The following TTLL5 variants were observed in gnomAD, a reference collection of about 807,000 sequenced individuals.
The protein encoded by TTLL5 is tubulin polyglutamylase TTLL5.
A neutral mutation model predicts 168.4 loss-of-function variants in TTLL5; 132 were observed. That is an observed-to-expected ratio of 0.78 (90% confidence interval 0.68 to 0.91). TTLL5 has a LOEUF of 0.91. Ranked by LOEUF, TTLL5 falls within the 40% of genes least tolerant of loss-of-function variation. TTLL5 has a pLI of 0.00. For synonymous variants in TTLL5, 546 were observed against 558.6 expected, an observed-to-expected ratio of 0.98 and a Z score of 0.32; for missense variants, 1,545 against 1,581.5, an observed-to-expected ratio of 0.98 and a Z score of 0.39.
At position 75,757,974 on chromosome 14, in the gene TTLL5, C is replaced by A. The variant is rs976356045; in HGVS notation, c.1550+5019C>A. 7.8e-6 allele frequency: 9 copies of A among 1,153,620 alleles called. No homozygotes were observed. In the Admixed American group the frequency reaches 2.6e-4, roughly 33 times the overall value. The allele number at this position is 1,153,620 out of a possible 1,614,324, so 71.5% of individuals were successfully genotyped here. A position where few individuals can be genotyped will look rare whatever the true frequency, so the allele number is the denominator to read the frequency against. On this transcript the variant is annotated intron_variant, in intron 18 of 31. Transcript: ENST00000298832. ...TATAACCATTTTTAGTTTGGTTCAG[C>A]TTGAATAGTAACATAAAAATTTTTT...
At chr14:75,911,367 G>A (rs901275329) in intron 31 of TTLL5, among the ~76,000 whole-genome samples, 2 of 152,128 alleles carry the variant, frequency 1.3e-5, no homozygotes, top group East Asian at 3.9e-4. Flanking sequence ...GAGAGGAGTA[G>A]CTTGAATGTG....
chr14:75,800,729 G>T (rs904412894), intron 27 of TTLL5, among the ~76,000 whole-genome samples: 2 of 152,136 alleles, frequency 1.3e-5, no homozygotes, highest in African/African-American at 4.8e-5. Context: ...TGCAGTGATT[G>T]TTACTGCCCT....
intron 9 of TTLL5, 55 bp from the exon 10 acceptor site, chr14:75,717,806 C>T (rs1246489442): frequency 6.6e-7 from 1 of 1,521,244 alleles, no homozygotes; most frequent in South Asian, 1.1e-5. Flanking sequence ...TCAGTTCCAG[C>T]CTGTATTTCC....
intron 31 of TTLL5, among the ~76,000 whole-genome samples, chr14:75,926,868 C>T (rs1006934889): frequency 2.0e-5 from 3 of 152,112 alleles, no homozygotes; most frequent in Non-Finnish European, 4.4e-5. Context: ...TACGAGGGTT[C>T]ATAGCAACAT....
At chr14:75,667,117 A>G (rs1883319112) in intron 2 of TTLL5, among the ~76,000 whole-genome samples, 1 of 148,348 alleles carries the variant, frequency 6.7e-6, no homozygotes, top group Non-Finnish European at 1.5e-5. Context: ...TTATCTTTCC[A>G]TGGGTTGGAA....
intron 18 of TTLL5, among the ~76,000 whole-genome samples, chr14:75,758,869 G>A (rs1486702715): frequency 6.6e-6 from 1 of 152,092 alleles, no homozygotes; most frequent in African/African-American, 2.4e-5. Context: ...AGATATGTAC[G>A]CTACAGCTAA....
chr14:75,863,986 G>C, intron 29 of TTLL5, 124 bp downstream of exon 29: 3 of 1,009,368 alleles, frequency 3.0e-6, no homozygotes, highest in South Asian at 4.0e-5. Flanking sequence ...TGCCATCCTG[G>C]CTTGGACAGC....
intron 30 of TTLL5, among the ~76,000 whole-genome samples, chr14:75,895,692 T>A (rs968467251): frequency 6.6e-6 from 1 of 152,002 alleles, no homozygotes; most frequent in African/African-American, 2.4e-5. Context: ...AAAAATAAAC[T>A]CTTAATACAT....
intron 28 of TTLL5, among the ~76,000 whole-genome samples, chr14:75,821,038 G>C (rs369575332): frequency 6.6e-6 from 1 of 152,154 alleles, no homozygotes; most frequent in African/African-American, 2.4e-5. Context: ...CTGCCTTTTA[G>C]TATGCTGCTT....
At chr14:75,760,649 T>G (rs182110093) in intron 18 of TTLL5, among the ~76,000 whole-genome samples, 19 of 152,162 alleles carry the variant, frequency 1.2e-4, no homozygotes, top group Non-Finnish European at 2.4e-4. Context: ...AGACCCACAT[T>G]TATATGGTCA....
intron 5 of TTLL5, 70 bp from the exon 6 acceptor site, chr14:75,690,122 T>C (rs1301915968): frequency 6.4e-7 from 1 of 1,567,458 alleles, no homozygotes; most frequent in Non-Finnish European, 8.8e-7. Flanking sequence ...TGTAACTCTT[T>C]AGAATGTGAT....
At chr14:75,735,129 G>C in intron 14 of TTLL5, 66 bp from the exon 15 acceptor site, 1 of 1,447,502 alleles carries the variant, frequency 6.9e-7, no homozygotes, top group East Asian at 2.3e-5. Flanking sequence ...CTAAAGAAAA[G>C]GTGCAGCCAG....
chr14:75,925,644 G>A (rs993159279), intron 31 of TTLL5, among the ~76,000 whole-genome samples: 4 of 152,014 alleles, frequency 2.6e-5, no homozygotes, highest in African/African-American at 9.7e-5. Flanking sequence ...CTTCCCAGAC[G>A]GGCTGGGGGC....
At chr14:75,784,720 C>T (rs771940125) in intron 26 of TTLL5, among the ~76,000 whole-genome samples, 1 of 151,538 alleles carries the variant, frequency 6.6e-6, no homozygotes, top group Non-Finnish European at 1.5e-5. Flanking sequence ...TTGAGGGTTC[C>T]AGTTTCTCCC....
At chr14:75,763,543 T>A (rs1311434558) in intron 18 of TTLL5, among the ~76,000 whole-genome samples, 1 of 152,198 alleles carries the variant, frequency 6.6e-6, no homozygotes, top group Non-Finnish European at 1.5e-5. Flanking sequence ...GGATGATTTC[T>A]TGACCTCAAA....
chr14:75,876,998 A>T (rs1361429020), intron 29 of TTLL5, among the ~76,000 whole-genome samples: 1 of 152,206 alleles, frequency 6.6e-6, no homozygotes, highest in Non-Finnish European at 1.5e-5. Context: ...CGGACAAGAA[A>T]TGTCTTTGCA....
chr14:75,805,192 T>C (rs1042250177), intron 27 of TTLL5, among the ~76,000 whole-genome samples: 7 of 152,242 alleles, frequency 4.6e-5, no homozygotes, highest in Non-Finnish European at 8.8e-5. Flanking sequence ...TCCTTTAGCA[T>C]GTGGCACTAT....
At chr14:75,913,754 C>T (rs1049978342) in intron 31 of TTLL5, among the ~76,000 whole-genome samples, 1 of 151,888 alleles carries the variant, frequency 6.6e-6, no homozygotes, top group African/African-American at 2.4e-5. Context: ...TGGCTCACAC[C>T]TGTAATCCCA....
In TTLL5 at chr14:75,782,871, CAT is replaced by C. The variant is rs200500703; in HGVS notation, c.2603-275_2603-274del. ...TGGAGACTTCATCTTGATGTCCTAA[CAT>C]GTGTAAGACATGCCTGCTCTGTTTC... On this transcript the variant is annotated intron_variant, in intron 25 of 31. Transcript: ENST00000298832. 9.5e-3 allele frequency among the ~76,000 whole-genome samples: 1,450 copies of C among 152,274 alleles called. 27 individuals carry two copies. Among genetic ancestry groups the C allele is most frequent in the African/African-American group, 0.033 (1,372 of 41,538 alleles).
Sources: gnomAD v4.1 joint callset for allele counts (sites outside exome capture counted in the v4.1 genomes callset) on GRCh38, gnomAD v4.1.1 for gene constraint, MANE v1.5 for transcripts, NCBI Gene and HGNC (gene_info 2026-07-23, HGNC 2026-07-21) for gene names.